VSX2: variants seen among roughly 807,000 people sequenced by gnomAD.
The protein encoded by VSX2 is visual system homeobox 2.
VSX2 carries 28 observed loss-of-function variants against 32.1 expected under a neutral mutation model. That is an observed-to-expected ratio of 0.87 (90% confidence interval 0.65 to 1.20). VSX2 has a LOEUF of 1.20. Ranked by LOEUF, VSX2 falls within the 50% of genes most tolerant of loss-of-function variation. VSX2 has a pLI of 0.00. For missense variants in VSX2, 506 were observed against 488.7 expected (o/e 1.04, Z -0.33); for synonymous variants, 243 against 214.1 (o/e 1.14, Z -1.18).
rs558421836 is a variant in VSX2 at position 74,260,016 on chromosome 14, C to T, written c.760+234C>T. 3.3e-5 allele frequency among the ~76,000 whole-genome samples: 5 copies of T among 152,280 alleles called. No homozygotes were observed. The South Asian group carries it at 1.0e-3, about 32-fold the overall frequency. ...AAGAACTCTCATCATGAACGAGTCC[C>T]TAACTGTGGATTATTTTGTCCTGTG... On this transcript the variant is annotated intron_variant, in intron 4 of 4. Transcript: ENST00000261980.
At position 74,244,923 on chromosome 14, in the gene VSX2, T is replaced by TGA. The variant is rs1226852066; in HGVS notation, c.456-241_456-240insAG. 7.0e-3 allele frequency among the ~76,000 whole-genome samples: 299 copies of TGA among 43,020 alleles called. 8 individuals carry two copies. Among genetic ancestry groups the TGA allele is most frequent in the East Asian group, 0.052 (96 of 1,856 alleles). 28.2% of individuals were successfully genotyped at this position (43,020 alleles called of 152,430 possible). On this transcript the variant is annotated intron_variant, in intron 2 of 4. Coordinates refer to ENST00000261980, the MANE Select transcript of VSX2 (RefSeq NM_182894.3). ...GTGTGTGTGTGTGTGTGTGTGTGTG[T>TGA]GTGTGTGAAAGAGAGAGAGAAAGTG...
chr14:74,245,196 C>A lies in VSX2; in HGVS notation c.487C>A (p.Leu163Met), dbSNP rs1249678696. 3 of 1,613,692 alleles carry A rather than the reference C, an allele frequency of 1.9e-6. No individual in the cohort carries two copies. The African/African-American group carries it at 4.0e-5, about 22-fold the overall frequency. Residue 163 changes from leucine to methionine, a missense_variant, in exon 3 of 5, where the codon CTG (leucine) becomes ATG (methionine). By Grantham distance (15) the Leu-to-Met change is conservative. Coordinates refer to ENST00000261980, the MANE Select transcript of VSX2 (RefSeq NM_182894.3). ...TIFTSYQLEE[L>M]EKAFNEAHYP... The stretch of plus-strand genomic sequence containing the variant: ...CTTTACCTCCTACCAGCTAGAGGAG[C>A]TGGAGAAGGCATTCAACGAAGCCCA...
chr14:74,244,919 T>TGAGAGAGAAAGAGAGAGAGAAA (rs1178977213), intron 2 of VSX2, among the ~76,000 whole-genome samples: 11 of 41,184 alleles, frequency 2.7e-4, no homozygotes, highest in African/African-American at 4.3e-4. Context: ...TGTGTGTGTG[T>TGAGAGAGAAAGAGAGAGAGAAA]GTGTGTGTGT....
chr14:74,244,172 C>T (rs1341646945), intron 2 of VSX2, among the ~76,000 whole-genome samples: 1 of 152,176 alleles, frequency 6.6e-6, no homozygotes, highest in African/African-American at 2.4e-5. Flanking sequence ...TATTTATTTG[C>T]CCATTTTCCT....
intron 3 of VSX2, among the ~76,000 whole-genome samples, chr14:74,248,811 C>G (rs748481467): frequency 3.9e-5 from 6 of 152,164 alleles, no homozygotes; most frequent in African/African-American, 4.8e-5. Context: ...GTGGCAGAGG[C>G]TAGGCCACTT....
intron 2 of VSX2, among the ~76,000 whole-genome samples, chr14:74,243,943 G>A (rs1331093400): frequency 6.6e-6 from 1 of 152,206 alleles, no homozygotes; most frequent in African/African-American, 2.4e-5. Context: ...GACCAGGCAA[G>A]GGCTGGACCA....
chr14:74,261,679 T>A lies in VSX2; in HGVS notation c.*760T>A, dbSNP rs2079308765. ...CAGGCACCTATGTGGCATGTGGTGA[T>A]GTACGCTGCGTGCCATGAGTCCATG... On this transcript the variant is annotated 3_prime_UTR_variant, in exon 5 of 5. Transcript: ENST00000261980. 6.5e-6 allele frequency: 1 copy of A among 152,796 alleles called. No homozygotes were observed. The highest frequency in any genetic ancestry group is 2.4e-5 in the African/African-American group (1 of 41,488). The allele number at this position is 152,796 out of a possible 1,614,324, so 9.5% of individuals were successfully genotyped here. A position where few individuals can be genotyped will look rare whatever the true frequency, so the allele number is the denominator to read the frequency against.
At chr14:74,242,176 G>GGGTGCTGCTCGCA (rs936008204) in intron 2 of VSX2, among the ~76,000 whole-genome samples, 3 of 151,614 alleles carry the variant, frequency 2.0e-5, no homozygotes, top group African/African-American at 7.3e-5. Flanking sequence ...GCCTTTCTGC[G>GGGTGCTGCTCGCA]GGTGCTGCTC....
At position 74,244,249 on chromosome 14, in the gene VSX2, A is replaced by G. The variant is rs543195793; in HGVS notation, c.456-916A>G. Among the ~76,000 whole-genome samples, 5 of 152,316 alleles carry G rather than the reference A, an allele frequency of 3.3e-5. No homozygotes were observed. The East Asian group carries it at 9.7e-4, about 29-fold the overall frequency. The stretch of plus-strand genomic sequence containing the variant: ...TTATAACACAAAATAGATCCATATG[A>G]ACTGCTCTGTTGGGGGTGGGGAACT... On this transcript the variant is annotated intron_variant, in intron 2 of 4. Coordinates refer to ENST00000261980, the MANE Select transcript of VSX2 (RefSeq NM_182894.3).
chr14:74,260,369 C>T (rs1247945620), intron 4 of VSX2, among the ~76,000 whole-genome samples: 1 of 152,206 alleles, frequency 6.6e-6, no homozygotes, highest in East Asian at 1.9e-4. Context: ...CCACCCGAGG[C>T]CCAGGTGCCC....
intron 2 of VSX2, 78 bp from the exon 3 acceptor site, chr14:74,245,087 A>C (rs1290125684): frequency 6.2e-7 from 1 of 1,600,314 alleles, no homozygotes; most frequent in East Asian, 2.2e-5. Flanking sequence ...GGAGACACAG[A>C]GGAAGGCGGT....
chr14:74,252,385 C>CT (rs1316125178), intron 3 of VSX2, among the ~76,000 whole-genome samples: 1 of 107,910 alleles, frequency 9.3e-6, no homozygotes, highest in Non-Finnish European at 2.1e-5. Context: ...CCTGGGCTTT[C>CT]TTTTCTTTCT....
At chr14:74,247,929 T>C (rs2079203035) in intron 3 of VSX2, among the ~76,000 whole-genome samples, 1 of 152,082 alleles carries the variant, frequency 6.6e-6, no homozygotes, top group South Asian at 2.1e-4. Context: ...CCCACCTGTG[T>C]CTTTCATTTC....
At chr14:74,245,319 T>A (rs1355614779) in intron 3 of VSX2, 31 bp downstream of exon 3, 6 of 1,610,952 alleles carry the variant, frequency 3.7e-6, no homozygotes, top group Non-Finnish European at 5.1e-6. Flanking sequence ...TCCCCTCCAC[T>A]CTCCCCTCTC....
intron 3 of VSX2, among the ~76,000 whole-genome samples, chr14:74,254,931 C>A (rs2079253800): frequency 6.6e-6 from 1 of 151,978 alleles, no homozygotes; most frequent in African/African-American, 2.4e-5. Flanking sequence ...AGGCGCCCCC[C>A]ACCACACCCG....
At chr14:74,247,143 C>T (rs993101609) in intron 3 of VSX2, among the ~76,000 whole-genome samples, 1 of 152,050 alleles carries the variant, frequency 6.6e-6, no homozygotes, top group Admixed American at 6.6e-5. Flanking sequence ...TGAATGCTAC[C>T]CCCAGAAGCT....
At position 74,247,474 on chromosome 14, in the gene VSX2, T is replaced by C. The variant is rs926057125; in HGVS notation, c.579+2186T>C. Among the ~76,000 whole-genome samples the C allele has an allele frequency of 2.6e-5, 4 of 152,186 alleles. No homozygotes were observed. In the East Asian group the frequency reaches 5.8e-4, roughly 22 times the overall value. On this transcript the variant is annotated intron_variant, in intron 3 of 4. Transcript: ENST00000261980. ...CATATGTGTGCAGCATTCAGGGCAGTGCCTGGCACGTGCCCCCAGCTCACT... is the reference window on the plus strand; with the variant it reads ...CATATGTGTGCAGCATTCAGGGCAGCGCCTGGCACGTGCCCCCAGCTCACT...
chr14:74,242,692 G>T (rs980163988), intron 2 of VSX2, among the ~76,000 whole-genome samples: 1 of 149,906 alleles, frequency 6.7e-6, no homozygotes, highest in African/African-American at 2.5e-5. Context: ...CATCTTACGC[G>T]GGTCCCAGGG....
intron 2 of VSX2, among the ~76,000 whole-genome samples, chr14:74,242,789 G>T (rs2079159425): frequency 6.6e-6 from 1 of 152,120 alleles, no homozygotes. Flanking sequence ...CCTTGTGCTG[G>T]TGCCAGGAGG....
Sources: allele counts gnomAD v4.1 joint callset (sites outside exome capture counted in the v4.1 genomes callset), GRCh38; gene constraint gnomAD v4.1.1; transcripts MANE v1.5; gene names NCBI Gene and HGNC (gene_info 2026-07-23, HGNC 2026-07-21).